PLSCR4: variants seen among roughly 807,000 people sequenced by gnomAD.
The protein encoded by PLSCR4 is phospholipid scramblase 4, also known as Ca(2+)-dependent phospholipid scramblase 4.
A neutral mutation model predicts 36.3 loss-of-function variants in PLSCR4; 25 were observed. The observed-to-expected ratio is 0.69, with a 90% CI of 0.50 to 0.96. The LOEUF is 0.96. PLSCR4 is among the 40% of genes least tolerant of loss of function. The probability of loss-of-function intolerance (pLI) is 0.00; values close to 1 mark genes in which losing one functional copy is unlikely to be tolerated. For synonymous variants in PLSCR4, 122 were observed against 132.9 expected (o/e 0.92, Z 0.56); for missense variants, 408 against 414.7 (o/e 0.98, Z 0.14).
intron 1 of PLSCR4, among the ~76,000 whole-genome samples, chr3:146,227,205 G>A (rs988900756): frequency 2.0e-5 from 3 of 152,172 alleles, no homozygotes; most frequent in Non-Finnish European, 4.4e-5. Context: ...AAACTGAGCT[G>A]TGTCTCCATA....
chr3:146,230,069 G>A (rs79962937), intron 1 of PLSCR4, among the ~76,000 whole-genome samples: 2,362 of 152,252 alleles, frequency 0.016, 63 homozygotes, highest in African/African-American at 0.053. Flanking sequence ...GAGTGGCCTG[G>A]AAATCCTCAA....
At chr3:146,244,322 G>C (rs992722524) in intron 1 of PLSCR4, among the ~76,000 whole-genome samples, 3 of 152,054 alleles carry the variant, frequency 2.0e-5, no homozygotes, top group Admixed American at 1.3e-4. Context: ...CCATTCTCAA[G>C]ATACCTCATT....
In PLSCR4 at chr3:146,205,820, G is replaced by T. The variant is rs78653873; in HGVS notation, c.354+706C>A. On this transcript the variant is annotated intron_variant, in intron 4 of 8. Coordinates refer to ENST00000354952, the MANE Select transcript of PLSCR4 (RefSeq NM_020353.3). ...GGAATCAACGCCACAAATAAAAGGC[G>T]TCTACTCTGCCAGCTTTATCTTATT... Among the ~76,000 whole-genome samples the T allele has an allele frequency of 2.0e-4, 31 of 152,130 alleles. No homozygotes were observed. The East Asian group carries it at 5.6e-3, about 28-fold the overall frequency.
chr3:146,209,329 G>A (rs561402899), intron 3 of PLSCR4, among the ~76,000 whole-genome samples: 1 of 152,050 alleles, frequency 6.6e-6, no homozygotes, highest in Non-Finnish European at 1.5e-5. Context: ...CTGCTTGGGT[G>A]GTGGGTGCAC....
intron 3 of PLSCR4, among the ~76,000 whole-genome samples, chr3:146,218,740 G>A (rs1485589450): frequency 5.3e-5 from 8 of 152,120 alleles, no homozygotes; most frequent in Non-Finnish European, 1.0e-4. Context: ...TCAGACTTAC[G>A]TAAATAAAGA....
intron 6 of PLSCR4, among the ~76,000 whole-genome samples, chr3:146,198,427 G>T (rs947990703): frequency 5.9e-5 from 9 of 152,008 alleles, no homozygotes; most frequent in Non-Finnish European, 1.0e-4. Flanking sequence ...AGGAGTAAGG[G>T]TCTTTCTCTG....
At position 146,192,370 on chromosome 3, in the gene PLSCR4, C is replaced by T. The variant is rs2033433369; in HGVS notation, c.*2041G>A. On this transcript the variant is annotated 3_prime_UTR_variant, in exon 9 of 9. Transcript: ENST00000354952. ...AACCATTGTATATTTATTTAAAAGC[C>T]ATAAAGAATACGAAAAAGCATGAAC... is the stretch of plus-strand genomic sequence containing the variant. 6.7e-6 allele frequency: 1 copy of T among 149,948 alleles called. No individual in the cohort carries two copies. Among genetic ancestry groups the T allele is most frequent in the South Asian group, 2.1e-4 (1 of 4,812 alleles). 9.3% of individuals were successfully genotyped at this position (149,948 alleles called of 1,614,324 possible). A position where few individuals can be genotyped will look rare whatever the true frequency, so the allele number is the denominator to read the frequency against.
chr3:146,196,004 T>C (rs1035838533), intron 7 of PLSCR4, among the ~76,000 whole-genome samples: 6 of 152,336 alleles, frequency 3.9e-5, no homozygotes, highest in Middle Eastern at 3.4e-3. Flanking sequence ...TCAAAAAATA[T>C]TCTTTAAGAA....
intron 1 of PLSCR4, among the ~76,000 whole-genome samples, chr3:146,244,667 C>T (rs949594889): frequency 5.3e-5 from 8 of 152,044 alleles, no homozygotes; most frequent in Non-Finnish European, 1.0e-4. Flanking sequence ...CAACTATTCT[C>T]CCATCTCTCC....
At chr3:146,232,789 T>C (rs1446676105) in intron 1 of PLSCR4, among the ~76,000 whole-genome samples, 1 of 152,164 alleles carries the variant, frequency 6.6e-6, no homozygotes, top group Non-Finnish European at 1.5e-5. Context: ...TCTGTGAAGA[T>C]AGTTTGACTT....
Position 146,203,829 on chromosome 3 carries a change from C to T in PLSCR4, c.354+2697G>A, listed in dbSNP as rs188727139. Among the ~76,000 whole-genome samples, 72 of 152,064 alleles carry T rather than the reference C, an allele frequency of 4.7e-4. No individual in the cohort carries two copies. The Middle Eastern group carries it at 0.01, about 22-fold the overall frequency. On this transcript the variant is annotated intron_variant, in intron 4 of 8. Coordinates refer to ENST00000354952, the MANE Select transcript of PLSCR4 (RefSeq NM_020353.3). The stretch of plus-strand genomic sequence containing the variant: ...AACTTTCTCCATATCAGCAATTAGG[C>T]TCTTTTACTTTTCACCATTCATATG...
At chr3:146,209,179 T>C (rs997973976) in intron 3 of PLSCR4, among the ~76,000 whole-genome samples, 26 of 152,244 alleles carry the variant, frequency 1.7e-4, no homozygotes, top group Non-Finnish European at 3.4e-4. Context: ...AAATATTGTA[T>C]GTTCTCACAC....
chr3:146,233,086 T>TA (rs1400362295), intron 1 of PLSCR4, among the ~76,000 whole-genome samples: 3 of 152,148 alleles, frequency 2.0e-5, no homozygotes, highest in Non-Finnish European at 4.4e-5. Flanking sequence ...TTCAATTCTT[T>TA]AAAAGCTTTT....
intron 3 of PLSCR4, among the ~76,000 whole-genome samples, chr3:146,210,843 GTC>G (rs2034578867): frequency 1.6e-5 from 2 of 126,366 alleles, no homozygotes; most frequent in South Asian, 3.0e-4. Flanking sequence ...AGGCCTTTAT[GTC>G]TGTTTTTTTT....
intron 7 of PLSCR4, 192 bp downstream of exon 7, chr3:146,196,440 G>C (rs965012136): frequency 1.8e-6 from 1 of 548,848 alleles, no homozygotes; most frequent in East Asian, 2.9e-5. Context: ...CATAAAAAAA[G>C]CTTTCATTTT....
intron 2 of PLSCR4, among the ~76,000 whole-genome samples, chr3:146,221,604 C>A (rs898054852): frequency 6.6e-6 from 1 of 152,072 alleles, no homozygotes; most frequent in African/African-American, 2.4e-5. Flanking sequence ...GTTTCCTAAA[C>A]AACCAGTTGA....
At chr3:146,230,423 G>A (rs909936352) in intron 1 of PLSCR4, among the ~76,000 whole-genome samples, 1 of 151,960 alleles carries the variant, frequency 6.6e-6, no homozygotes, top group Non-Finnish European at 1.5e-5. Context: ...ATGCATGCAG[G>A]GATAATAATA....
At chr3:146,237,131 G>T (rs1217098618) in intron 1 of PLSCR4, among the ~76,000 whole-genome samples, 2 of 151,790 alleles carry the variant, frequency 1.3e-5, no homozygotes, top group African/African-American at 2.4e-5. Context: ...GTCGAAAAAG[G>T]AAAGAGGTGT....
intron 3 of PLSCR4, among the ~76,000 whole-genome samples, chr3:146,215,861 A>G (rs3914252): frequency 0.74 from 112,311 of 152,142 alleles, 41,759 homozygotes; most frequent in South Asian, 0.81. Flanking sequence ...CAGGACTAGC[A>G]AATTTTCTGT....
Sources: allele counts gnomAD v4.1 joint callset (sites outside exome capture counted in the v4.1 genomes callset), GRCh38; gene constraint gnomAD v4.1.1; transcripts MANE v1.5; gene names NCBI Gene and HGNC (gene_info 2026-07-23, HGNC 2026-07-21).